TBC1D12: variants seen among roughly 807,000 people sequenced by gnomAD.
TBC1D12 encodes TBC1 domain family member 12.
Under a neutral mutation model 86.7 loss-of-function variants are expected in TBC1D12, and 56 were observed. That is an observed-to-expected ratio of 0.65 (90% confidence interval 0.52 to 0.81). The LOEUF is 0.81. TBC1D12 is among the 30% of genes least tolerant of loss of function. The pLI, the probability that TBC1D12 is intolerant of heterozygous loss-of-function variation, is 0.00. For synonymous variants in TBC1D12, 421 were observed against 411.7 expected (o/e 1.02, Z -0.27); for missense variants, 1,023 against 1,038.8 (o/e 0.98, Z 0.21).
At chr10:94,510,213 A>G in intron 8 of TBC1D12, 34 bp downstream of exon 8, 1 of 1,454,872 alleles carries the variant, frequency 6.9e-7, no homozygotes. Context: ...AATTACTTAA[A>G]AAAAATCTAT....
At chr10:94,478,163 T>A (rs192680319) in intron 3 of TBC1D12, among the ~76,000 whole-genome samples, 23 of 152,082 alleles carry the variant, frequency 1.5e-4, no homozygotes, top group African/African-American at 5.5e-4. Flanking sequence ...AGTCCTAGCC[T>A]ACTTGGGAGG....
chr10:94,458,967 A>G (rs2055675146), intron 2 of TBC1D12, among the ~76,000 whole-genome samples: 1 of 152,160 alleles, frequency 6.6e-6, no homozygotes, highest in African/African-American at 2.4e-5. Context: ...AAGCTTCCAC[A>G]GCGTGGAAGG....
intron 7 of TBC1D12, among the ~76,000 whole-genome samples, chr10:94,508,244 C>G (rs2056484829): frequency 6.8e-6 from 1 of 147,928 alleles, no homozygotes; most frequent in Non-Finnish European, 1.5e-5. Context: ...TATACTCTCT[C>G]TTTTTTTTTT....
At position 94,474,700 on chromosome 10, in the gene TBC1D12, A is replaced by G. The variant is rs770985715; in HGVS notation, c.1128A>G (p.Lys376=). 3.1e-6 allele frequency: 5 copies of G among 1,614,088 alleles called. No individual in the cohort carries two copies. Among genetic ancestry groups the G allele is most frequent in the Non-Finnish European group, 4.2e-6 (5 of 1,180,012 alleles). The stretch of plus-strand genomic sequence containing the variant: ...AAGCACGAACGGGGAGGACCTGTAA[A>G]CCACCACCTCAGTCTTCAAGACGCA... ...EYEARTGRTC[K]PPPQSSRRKN... Residue 376 remains lysine (K), a synonymous_variant, in exon 3 of 13, where the codon AAA becomes AAG. Transcript: ENST00000225235.
At chr10:94,470,811 A>C (rs1357836513) in intron 2 of TBC1D12, among the ~76,000 whole-genome samples, 1 of 145,464 alleles carries the variant, frequency 6.9e-6, no homozygotes, top group Non-Finnish European at 1.5e-5. Flanking sequence ...AGTTATTTTG[A>C]TATGGAAATC....
Position 94,493,403 on chromosome 10 carries a change from A to G in TBC1D12, c.1250A>G (p.His417Arg). 1 of 1,613,280 alleles carries G rather than the reference A, an allele frequency of 6.2e-7. No homozygotes were observed. The highest frequency in any genetic ancestry group is 1.1e-5 in the South Asian group (1 of 90,570). Residue 417 changes from histidine (H) to arginine (R), a missense_variant, in exon 4 of 13, where the codon CAC (histidine) becomes CGC (arginine). By Grantham distance (29) the His-to-Arg change is conservative. Transcript: ENST00000225235. ...PAKSVEEALRHRQEYDEMVAE... is the reference protein window; with the variant it reads ...PAKSVEEALRRRQEYDEMVAE... ...AAATCTGTGGAAGAAGCTTTACGTCACCGACAAGAATACGATGAGATGGTG... is the reference window on the plus strand; with the variant it reads ...AAATCTGTGGAAGAAGCTTTACGTCGCCGACAAGAATACGATGAGATGGTG...
rs1842526485 is a variant in TBC1D12 at position 94,535,525 on chromosome 10, C to CTACTAT, written c.*2434_*2435insTTACTA. ...CCCATGGGTCATTCTAGTCTAAGGACTACTAGTAGAACCCTCAAAAGGTAA... is the reference window on the plus strand; with the variant it reads ...CCCATGGGTCATTCTAGTCTAAGGACTACTATTACTAGTAGAACCCTCAAAAGGTAA... On this transcript the variant is annotated 3_prime_UTR_variant, in exon 13 of 13. Coordinates refer to ENST00000225235, the MANE Select transcript of TBC1D12 (RefSeq NM_015188.2). The CTACTAT allele has an allele frequency of 6.6e-6, 1 of 152,048 alleles. No homozygotes were observed. Among genetic ancestry groups the CTACTAT allele is most frequent in the Admixed American group, 6.6e-5 (1 of 15,264 alleles). The allele number at this position is 152,048 out of a possible 1,614,324, so 9.4% of individuals were successfully genotyped here. A position where few individuals can be genotyped will look rare whatever the true frequency, so the allele number is the denominator to read the frequency against.
intron 11 of TBC1D12, among the ~76,000 whole-genome samples, chr10:94,527,847 G>A (rs945448199): frequency 3.9e-5 from 6 of 152,074 alleles, no homozygotes; most frequent in African/African-American, 1.4e-4. Flanking sequence ...CTGAATTAGT[G>A]TTCTTGGCAT....
intron 11 of TBC1D12, among the ~76,000 whole-genome samples, chr10:94,528,569 C>A (rs1187053921): frequency 6.6e-6 from 1 of 152,066 alleles, no homozygotes; most frequent in Non-Finnish European, 1.5e-5. Flanking sequence ...TACCTGTAAT[C>A]CCAGCACTTT....
rs1046562806 is a variant in TBC1D12 at position 94,514,164 on chromosome 10, C to A, written c.1761+2510C>A. On this transcript the variant is annotated intron_variant, in intron 9 of 12. Coordinates refer to ENST00000225235, the MANE Select transcript of TBC1D12 (RefSeq NM_015188.2). ...CCAAGGTGGGAAGATCGCTTGAGCC[C>A]AGGAGTTTTAAGACCAGCCTGAGCA... Among the ~76,000 whole-genome samples, 7 of 152,016 alleles carry A rather than the reference C, an allele frequency of 4.6e-5. No individual in the cohort carries two copies. The South Asian group carries it at 1.5e-3, about 32-fold the overall frequency.
intron 11 of TBC1D12, among the ~76,000 whole-genome samples, chr10:94,529,060 G>A (rs1842364320): frequency 6.6e-6 from 1 of 151,648 alleles, no homozygotes. Flanking sequence ...CACCCAGGCT[G>A]AGTGCAGTGG....
At chr10:94,506,516 T>C (rs907219283) in intron 6 of TBC1D12, among the ~76,000 whole-genome samples, 8 of 152,224 alleles carry the variant, frequency 5.3e-5, no homozygotes, top group African/African-American at 1.9e-4. Context: ...TTATGTAGTT[T>C]CAAATATCTG....
At chr10:94,514,572 T>A (rs556571747) in intron 9 of TBC1D12, among the ~76,000 whole-genome samples, 20 of 152,336 alleles carry the variant, frequency 1.3e-4, no homozygotes, top group African/African-American at 4.6e-4. Context: ...TCCAGTTCCA[T>A]CCATGTTTTC....
At chr10:94,503,243 A>G (rs557620666) in intron 6 of TBC1D12, among the ~76,000 whole-genome samples, 259 of 152,364 alleles carry the variant, frequency 1.7e-3, no homozygotes, top group African/African-American at 6.1e-3. Context: ...TATAAAAAAG[A>G]CATATATGTT....
At chr10:94,412,755 G>C (rs780375593) in intron 1 of TBC1D12, among the ~76,000 whole-genome samples, 1 of 152,200 alleles carries the variant, frequency 6.6e-6, no homozygotes, top group Non-Finnish European at 1.5e-5. Flanking sequence ...ATGCAGAAAG[G>C]CAAAGTGTGT....
chr10:94,513,294 C>G (rs2056548183), intron 9 of TBC1D12, among the ~76,000 whole-genome samples: 1 of 149,232 alleles, frequency 6.7e-6, no homozygotes, highest in African/African-American at 2.5e-5. Flanking sequence ...GTGTCTCATA[C>G]CTGTAAATCC....
chr10:94,474,701 C>T lies in TBC1D12; in HGVS notation c.1129C>T (p.Pro377Ser), dbSNP rs774319159. ...AGCACGAACGGGGAGGACCTGTAAA[C>T]CACCACCTCAGTCTTCAAGACGCAA... ...YEARTGRTCKPPPQSSRRKNF... is the reference protein window; with the variant it reads ...YEARTGRTCKSPPQSSRRKNF... Residue 377 changes from proline to serine, a missense_variant, in exon 3 of 13, where the codon CCA becomes TCA. Pro to Ser is a moderately conservative substitution (Grantham distance 74). Transcript: ENST00000225235. 2 of 1,614,060 alleles carry T rather than the reference C, an allele frequency of 1.2e-6. No individual in the cohort carries two copies. Among genetic ancestry groups the T allele is most frequent in the Non-Finnish European group, 1.7e-6 (2 of 1,180,014 alleles).
rs75981564 is a variant in TBC1D12, at chr10:94,466,495, T to C, written c.1096-8173T>C. ...AAGTTCACAGCATTTTAATTCTTAC[T>C]GAAAGGCTGGATTTTATTATTAGCA... On this transcript the variant is annotated intron_variant, in intron 2 of 12. Coordinates refer to ENST00000225235, the MANE Select transcript of TBC1D12 (RefSeq NM_015188.2). 8.1e-3 allele frequency among the ~76,000 whole-genome samples: 1,233 copies of C among 152,244 alleles called. 20 individuals carry two copies. The highest frequency in any genetic ancestry group is 0.028 in the African/African-American group (1,164 of 41,566).
chr10:94,413,335 C>G (rs1451093076), intron 1 of TBC1D12, among the ~76,000 whole-genome samples: 1 of 152,136 alleles, frequency 6.6e-6, no homozygotes, highest in Non-Finnish European at 1.5e-5. Flanking sequence ...GCTTGCCTGT[C>G]TTGTGAAAAG....
Sources: gnomAD v4.1 joint callset for allele counts (sites outside exome capture counted in the v4.1 genomes callset) on GRCh38, gnomAD v4.1.1 for gene constraint, MANE v1.5 for transcripts, NCBI Gene and HGNC (gene_info 2026-07-23, HGNC 2026-07-21) for gene names.